Variants in MAD1L1 observed in about 807,000 individuals in gnomAD.
MAD1L1 encodes mitotic arrest deficient 1 like 1.
A neutral mutation model predicts 96.9 loss-of-function variants in MAD1L1; 95 were observed. That is an observed-to-expected ratio of 0.98 (90% confidence interval 0.83 to 1.16). The LOEUF (loss-of-function observed/expected upper bound fraction) is 1.16, where lower values mean the gene tolerates loss of function less well. Among genes scored for constraint, MAD1L1 ranks in the 50% most tolerant of loss-of-function variants. The probability of loss-of-function intolerance (pLI) is 0.00; values close to 1 mark genes in which losing one functional copy is unlikely to be tolerated. For missense variants in MAD1L1, 1,007 were observed against 954.4 expected (o/e 1.06, Z -0.73); for synonymous variants, 473 against 396.6 (o/e 1.19, Z -2.29).
chr7:2,001,502 A>G (rs1306601011), intron 14 of MAD1L1, among the ~76,000 whole-genome samples: 1 of 152,228 alleles, frequency 6.6e-6, no homozygotes, highest in Non-Finnish European at 1.5e-5. Context: ...CCCCCCACCC[A>G]GGCTCGGAGG....
chr7:1,965,205 G>A (rs1290318765), intron 15 of MAD1L1, among the ~76,000 whole-genome samples: 1 of 152,204 alleles, frequency 6.6e-6, no homozygotes, highest in Admixed American at 6.5e-5. Flanking sequence ...CCCAGCCCTG[G>A]AGATGGTCAC....
In MAD1L1 at chr7:2,222,666, T is replaced by G; in HGVS notation, c.380A>C (p.Gln127Pro). Residue 127 changes from glutamine to proline, a missense_variant, in exon 5 of 19, where the codon CAG becomes CCG. Coordinates refer to ENST00000265854, the MANE Select transcript of MAD1L1 (RefSeq NM_001013836.2). ...CTGACACTGCCTGTTGCGCTCCAGC[T>G]GCTCCTGCATCTTCTCCTCCGCCCC... is the stretch of plus-strand genomic sequence containing the variant. ...EAGAEEKMQEQLERNRQCQQN... is the reference protein window; with the variant it reads ...EAGAEEKMQEPLERNRQCQQN... 1.2e-6 allele frequency: 2 copies of G among 1,613,256 alleles called. No homozygotes were observed. Among genetic ancestry groups the G allele is most frequent in the African/African-American group, 2.7e-5 (2 of 75,050 alleles).
At chr7:1,849,481 T>TGGCA (rs1783844495) in intron 18 of MAD1L1, 1 of 152,226 alleles carries the variant, frequency 6.6e-6, no homozygotes, top group Non-Finnish European at 1.5e-5. Context: ...GTCGAGACAG[T>TGGCA]GGCAGGCAGG....
chr7:2,086,138 A>G (rs1217107001), intron 11 of MAD1L1, among the ~76,000 whole-genome samples: 1 of 152,150 alleles, frequency 6.6e-6, no homozygotes, highest in Non-Finnish European at 1.5e-5. Context: ...AGGAGCTCCT[A>G]AAGACAAGCA....
At chr7:1,879,456 CA>C (rs58872674) in intron 18 of MAD1L1, among the ~76,000 whole-genome samples, 56,363 of 129,602 alleles carry the variant, frequency 0.43, 12,444 homozygotes, top group East Asian at 0.56. Context: ...ACTTCATCTC[CA>C]AAAAAAAAAA....
chr7:2,114,986 G>C lies in MAD1L1; in HGVS notation c.1073+34166C>G, dbSNP rs1432377703. ...AGAATCTGTTCCCAGGGTAGAAACA[G>C]TGACGGGCCAGTGCAGCAGAGAAGA... On this transcript the variant is annotated intron_variant, in intron 11 of 18. Transcript: ENST00000265854. This position sits in a 1 kb window ranked among gnomAD's most constrained non-coding sequence, Gnocchi z 4.2. Among the ~76,000 whole-genome samples, 1 of 152,260 alleles carries C rather than the reference G, an allele frequency of 6.6e-6. No individual in the cohort carries two copies. Among genetic ancestry groups the C allele is most frequent in the African/African-American group, 2.4e-5 (1 of 41,470 alleles).
chr7:2,224,759 A>G (rs1425321960), intron 4 of MAD1L1, among the ~76,000 whole-genome samples: 2 of 152,108 alleles, frequency 1.3e-5, no homozygotes, highest in Non-Finnish European at 2.9e-5. Flanking sequence ...AGCAGAGGGG[A>G]TCCGCGCACT....
intron 17 of MAD1L1, among the ~76,000 whole-genome samples, chr7:1,915,129 T>C (rs1360504134): frequency 6.6e-6 from 1 of 152,084 alleles, no homozygotes; most frequent in African/African-American, 2.4e-5. Context: ...AGCAGGTATG[T>C]GTGGAGAGGT....
At chr7:2,072,972 G>A (rs1785207532) in intron 11 of MAD1L1, among the ~76,000 whole-genome samples, 1 of 152,248 alleles carries the variant, frequency 6.6e-6, no homozygotes, top group African/African-American at 2.4e-5. Context: ...TCTTGCTTCA[G>A]AGCCCAGGCT....
At chr7:1,907,159 G>A (rs1291637620) in intron 17 of MAD1L1, among the ~76,000 whole-genome samples, 1 of 152,076 alleles carries the variant, frequency 6.6e-6, no homozygotes, top group Non-Finnish European at 1.5e-5. Flanking sequence ...CTCAGCCCTT[G>A]CCACGCCCCC....
At chr7:2,081,627 G>T (rs1785652544) in intron 11 of MAD1L1, among the ~76,000 whole-genome samples, 1 of 152,248 alleles carries the variant, frequency 6.6e-6, no homozygotes, top group African/African-American at 2.4e-5. Flanking sequence ...CAGCCAGCAG[G>T]CCCCAGGACT....
intron 10 of MAD1L1, among the ~76,000 whole-genome samples, chr7:2,159,728 G>C (rs952247101): frequency 8.5e-5 from 13 of 152,194 alleles, no homozygotes; most frequent in African/African-American, 2.4e-4. Context: ...TGGATTAAAA[G>C]TTCGGTATAA....
intron 14 of MAD1L1, among the ~76,000 whole-genome samples, chr7:1,989,183 C>A (rs1015245237): frequency 6.6e-6 from 1 of 152,204 alleles, no homozygotes; most frequent in Non-Finnish European, 1.5e-5. Context: ...AACAAAGCCA[C>A]GGGAGCCACT....
chr7:2,199,092 G>A (rs560108003), intron 10 of MAD1L1, among the ~76,000 whole-genome samples: 1 of 152,344 alleles, frequency 6.6e-6, no homozygotes, highest in South Asian at 2.1e-4. Context: ...ATGCCAGCCT[G>A]AGAAAGATGC....
At chr7:2,052,680 C>T (rs1388800891) in intron 12 of MAD1L1, among the ~76,000 whole-genome samples, 1 of 152,208 alleles carries the variant, frequency 6.6e-6, no homozygotes, top group East Asian at 1.9e-4. Flanking sequence ...ATGCACGTAT[C>T]AGTGTGCAAA....
At chr7:1,953,833 C>T (rs980711682) in intron 16 of MAD1L1, among the ~76,000 whole-genome samples, 5 of 152,236 alleles carry the variant, frequency 3.3e-5, no homozygotes, top group Admixed American at 6.5e-5. Context: ...CTGGGTGACA[C>T]GGGGGCCCCA....
chr7:2,026,279 T>A (rs10251332), intron 12 of MAD1L1, among the ~76,000 whole-genome samples: 2 of 152,064 alleles, frequency 1.3e-5, no homozygotes, highest in African/African-American at 4.8e-5. Context: ...AATTCACAAT[T>A]TATATGTGCC....
At chr7:2,011,377 G>A (rs1479679308) in intron 13 of MAD1L1, among the ~76,000 whole-genome samples, 2 of 152,022 alleles carry the variant, frequency 1.3e-5, no homozygotes, top group Non-Finnish European at 1.5e-5. Flanking sequence ...CTGGGCCCCC[G>A]CCTTCACCTT....
At chr7:1,975,934 C>T (rs1318578670) in intron 15 of MAD1L1, among the ~76,000 whole-genome samples, 1 of 152,234 alleles carries the variant, frequency 6.6e-6, no homozygotes, top group Non-Finnish European at 1.5e-5. Context: ...GCTGAATCTA[C>T]AGGCAACATT....
Sources: gnomAD v4.1 joint callset for allele counts (sites outside exome capture counted in the v4.1 genomes callset) on GRCh38, gnomAD v4.1.1 for gene constraint, Gnocchi (gnomAD v3.1) non-coding constraint, MANE v1.5 for transcripts, NCBI Gene and HGNC (gene_info 2026-07-23, HGNC 2026-07-21) for gene names.